The following ABL2 variants were observed in gnomAD, a reference collection of about 807,000 sequenced individuals.
The protein encoded by ABL2 is ABL proto-oncogene 2, non-receptor tyrosine kinase.
Under a neutral mutation model 107.7 loss-of-function variants are expected in ABL2, and 49 were observed. The ratio of observed to expected loss-of-function variants is 0.45; its 90% CI spans 0.36 to 0.58. The LOEUF (loss-of-function observed/expected upper bound fraction) is 0.58. Among genes scored for constraint, ABL2 ranks in the 20% least tolerant of loss-of-function variants. The pLI, the probability that ABL2 is intolerant of heterozygous loss-of-function variation, is 0.00. For missense variants in ABL2, 1,245 were observed against 1,457.0 expected (o/e 0.85, Z 2.37); for synonymous variants, 549 against 548.6 (o/e 1.00, Z -0.01).
At chr1:179,123,504 AAAAAAAAGAAAAGAGC>A (rs1476065731) in intron 4 of ABL2, among the ~76,000 whole-genome samples, 1 of 151,958 alleles carries the variant, frequency 6.6e-6, no homozygotes, top group African/African-American at 2.4e-5. Flanking sequence ...GACTCCATCT[AAAAAAAAGAAAAGAGC>A]CACACTGGAT....
chr1:179,168,551 A>T (rs750498223), intron 1 of ABL2, among the ~76,000 whole-genome samples: 1 of 152,216 alleles, frequency 6.6e-6, no homozygotes, highest in East Asian at 1.9e-4. Flanking sequence ...ACTTGTAGTG[A>T]AAAAGGTTTT....
chr1:179,132,126 C>T (rs948290247), intron 2 of ABL2, among the ~76,000 whole-genome samples: 2 of 152,212 alleles, frequency 1.3e-5, no homozygotes, highest in African/African-American at 4.8e-5. Flanking sequence ...AATGTGGCCG[C>T]ACCCGGCCTG....
rs1453700857 is a variant in ABL2, at chr1:179,106,229, T to C, written c.*1489A>G. 4.4e-6 allele frequency: 1 copy of C among 226,298 alleles called. No homozygotes were observed. Among genetic ancestry groups the C allele is most frequent in the Non-Finnish European group, 8.8e-6 (1 of 113,850 alleles). 14.0% of individuals were successfully genotyped at this position (226,298 alleles called of 1,614,324 possible). The stretch of plus-strand genomic sequence containing the variant: ...TTAGACCCGATACCAAGAACATTAA[T>C]AATACCTAACTCATTAGATTCACTT... On this transcript the variant is annotated 3_prime_UTR_variant, in exon 12 of 12. Coordinates refer to ENST00000502732, the MANE Select transcript of ABL2 (RefSeq NM_007314.4).
intron 1 of ABL2, among the ~76,000 whole-genome samples, chr1:179,189,097 T>C (rs914087840): frequency 4.6e-5 from 7 of 152,184 alleles, no homozygotes; most frequent in African/African-American, 1.7e-4. Context: ...GGCCAAAACA[T>C]GACAATCTTC....
At position 179,106,873 on chromosome 1, in the gene ABL2, C is replaced by T. The variant is rs1233196196; in HGVS notation, c.*845G>A. ...ACACTGGTTAATGCTCTGAATGCTACCAGGAATAAAGGAAGACAGCCTGCC... is the reference window on the plus strand; with the variant it reads ...ACACTGGTTAATGCTCTGAATGCTATCAGGAATAAAGGAAGACAGCCTGCC... On this transcript the variant is annotated 3_prime_UTR_variant, in exon 12 of 12. Coordinates refer to ENST00000502732, the MANE Select transcript of ABL2 (RefSeq NM_007314.4). 8.7e-6 allele frequency: 2 copies of T among 230,824 alleles called. No individual in the cohort carries two copies. Among genetic ancestry groups the T allele is most frequent in the Non-Finnish European group, 1.7e-5 (2 of 116,712 alleles). 14.3% of individuals were successfully genotyped at this position (230,824 alleles called of 1,614,324 possible).
intron 1 of ABL2, among the ~76,000 whole-genome samples, chr1:179,163,884 T>C (rs1232473891): frequency 6.6e-6 from 1 of 152,220 alleles, no homozygotes; most frequent in African/African-American, 2.4e-5. Flanking sequence ...GAATGAAGTA[T>C]TGATAGACAC....
chr1:179,167,962 C>A (rs1659490504), intron 1 of ABL2, among the ~76,000 whole-genome samples: 1 of 152,126 alleles, frequency 6.6e-6, no homozygotes, highest in Non-Finnish European at 1.5e-5. Context: ...CTGGGTGACA[C>A]AGCAAGACTC....
intron 1 of ABL2, among the ~76,000 whole-genome samples, chr1:179,136,632 G>A (rs1490780198): frequency 6.7e-6 from 1 of 148,760 alleles, no homozygotes; most frequent in Non-Finnish European, 1.5e-5. Flanking sequence ...TTGTTTATCT[G>A]CTGACCTTCC....
At chr1:179,134,372 A>AC (rs1656636531) in intron 1 of ABL2, among the ~76,000 whole-genome samples, 1 of 151,768 alleles carries the variant, frequency 6.6e-6, no homozygotes, top group South Asian at 2.1e-4. Flanking sequence ...ATAGTGAAAA[A>AC]CCCCATCTCT....
At chr1:179,212,251 A>G (rs1662317256) in intron 1 of ABL2, among the ~76,000 whole-genome samples, 1 of 152,180 alleles carries the variant, frequency 6.6e-6, no homozygotes, top group Non-Finnish European at 1.5e-5. Flanking sequence ...GATTATTACA[A>G]TTCAAGGTGA....
At chr1:179,222,815 A>G (rs1662947174) in intron 1 of ABL2, among the ~76,000 whole-genome samples, 1 of 151,388 alleles carries the variant, frequency 6.6e-6, no homozygotes, top group Non-Finnish European at 1.5e-5. Context: ...AACAACAACA[A>G]CAAAAAAAAA....
At chr1:179,190,559 C>T (rs945270095) in intron 1 of ABL2, among the ~76,000 whole-genome samples, 1 of 151,886 alleles carries the variant, frequency 6.6e-6, no homozygotes, top group Admixed American at 6.6e-5. Context: ...ACGTTGATGA[C>T]GTTAACTTTC....
chr1:179,229,475 G>C lies in ABL2; in HGVS notation c.-78C>G, dbSNP rs1015965907. ...TCGGCTCCGGCCTCGGGCTCCTGGC[G>C]CTGCTCCGGTCTCTCCCTCCCAGCC... On this transcript the variant is annotated 5_prime_UTR_variant, in exon 1 of 12. Coordinates refer to ENST00000502732, the MANE Select transcript of ABL2 (RefSeq NM_007314.4). 11 of 1,376,604 alleles carry C rather than the reference G, an allele frequency of 8.0e-6. No individual in the cohort carries two copies. In the Admixed American group the frequency reaches 3.2e-4, roughly 40 times the overall value. The allele number at this position is 1,376,604 out of a possible 1,614,324, so 85.3% of individuals were successfully genotyped here.
At chr1:179,215,248 T>C (rs1404614888) in intron 1 of ABL2, among the ~76,000 whole-genome samples, 1 of 152,092 alleles carries the variant, frequency 6.6e-6, no homozygotes, top group Non-Finnish European at 1.5e-5. Context: ...TACTCATATA[T>C]ATGTAAATAC....
intron 1 of ABL2, among the ~76,000 whole-genome samples, chr1:179,157,390 G>A (rs930832582): frequency 3.3e-5 from 5 of 151,898 alleles, no homozygotes; most frequent in African/African-American, 7.3e-5. Context: ...TCAGCTACTC[G>A]GTAGGCTGAG....
intron 1 of ABL2, 143 bp downstream of exon 1, chr1:179,229,098 G>T: frequency 9.2e-6 from 10 of 1,088,312 alleles, no homozygotes; most frequent in Non-Finnish European, 1.3e-5. Context: ...CCCAGGACTG[G>T]ACCAGATGGC....
rs71108094 is a variant in ABL2 at position 179,121,915 on chromosome 1, A to ATT, written c.688-50_688-49dup. 2.2e-3 allele frequency: 1,500 copies of ATT among 693,530 alleles called. 25 individuals are homozygous for ATT. Among genetic ancestry groups the ATT allele is most frequent in the African/African-American group, 0.016 (509 of 31,512 alleles). The allele number at this position is 693,530 out of a possible 1,614,324, so 43.0% of individuals were successfully genotyped here. A position where few individuals can be genotyped will look rare whatever the true frequency, so the allele number is the denominator to read the frequency against. ...TAAACAACTTGAAAAGAGATTAAGAATTTTTTTTTTTTTTTTTTTTTTTTT... is the reference window on the plus strand; with the variant it reads ...TAAACAACTTGAAAAGAGATTAAGAATTTTTTTTTTTTTTTTTTTTTTTTTTT... On this transcript the variant is annotated intron_variant, in intron 4 of 11. Transcript: ENST00000502732.
intron 1 of ABL2, among the ~76,000 whole-genome samples, chr1:179,188,256 C>A (rs1478336529): frequency 1.3e-5 from 2 of 152,184 alleles, no homozygotes; most frequent in African/African-American, 4.8e-5. Context: ...TAAAACAGCA[C>A]ATCTGCTGGG....
chr1:179,155,448 G>A (rs1658624458), intron 1 of ABL2, among the ~76,000 whole-genome samples: 2 of 152,080 alleles, frequency 1.3e-5, no homozygotes, highest in South Asian at 2.1e-4. Context: ...TATACAGCTC[G>A]GCCAGGCGCG....
Sources: allele counts gnomAD v4.1 joint callset (sites outside exome capture counted in the v4.1 genomes callset), GRCh38; gene constraint gnomAD v4.1.1; transcripts MANE v1.5; gene names NCBI Gene and HGNC (gene_info 2026-07-23, HGNC 2026-07-21).